The following CAPN14 variants were observed in gnomAD, a reference collection of about 807,000 sequenced individuals.
CAPN14 encodes calpain 14.
Under a neutral mutation model 101.3 loss-of-function variants are expected in CAPN14, and 94 were observed. The observed-to-expected ratio is 0.93, with a 90% CI of 0.79 to 1.10. CAPN14 has a LOEUF of 1.10. CAPN14 is among the 50% of genes least tolerant of loss of function. CAPN14 has a pLI of 0.00. For synonymous variants in CAPN14, 338 were observed against 317.9 expected (o/e 1.06, Z -0.67); for missense variants, 837 against 828.4 (o/e 1.01, Z -0.13).
exon 2 of CAPN14, chr2:31,226,642 C>T (rs950061104): frequency 2.6e-5 from 4 of 152,216 alleles, no homozygotes; most frequent in Non-Finnish European, 5.9e-5. Flanking sequence ...ATGGTGCAAT[C>T]AAGATCCTGC....
intron 12 of CAPN14, chr2:31,189,704 T>C: frequency 1.6e-6 from 1 of 640,768 alleles, no homozygotes; most frequent in Non-Finnish European, 2.9e-6. Context: ...TAAACACGTG[T>C]CATTTGATTT....
chr2:31,202,959 C>T (rs907173033), intron 3 of CAPN14, 111 bp downstream of exon 3: 138 of 858,828 alleles, frequency 1.6e-4, no homozygotes, highest in Non-Finnish European at 2.5e-4. Flanking sequence ...CCATTTTGGG[C>T]CTCTCTCCAG....
intron 15 of CAPN14, among the ~76,000 whole-genome samples, chr2:31,187,175 C>T (rs1429257794): frequency 2.6e-5 from 4 of 152,190 alleles, no homozygotes; most frequent in Non-Finnish European, 5.9e-5. Context: ...CGCCCTGTTC[C>T]TAAGTGTCTT....
rs1411738073 is a variant in CAPN14, at chr2:31,230,750, A to T, written c.-177+3041T>A. ...AGTTCTATATTCTGGATGTGCTTTC[A>T]TGGGTTTTTGTGTATAGGAAATATC... On this transcript the variant is annotated intron_variant and NMD_transcript_variant, in intron 1 of 21. Transcript: ENST00000398824. This position sits in a 1 kb window ranked among gnomAD's most constrained non-coding sequence, Gnocchi z 4.3. Among the ~76,000 whole-genome samples the T allele has an allele frequency of 6.6e-6, 1 of 152,130 alleles. No individual in the cohort carries two copies. The highest frequency in any genetic ancestry group is 1.9e-4 in the East Asian group (1 of 5,200).
intron 14 of CAPN14, 27 bp from the exon 15 acceptor site, chr2:31,187,841 A>C: frequency 6.5e-7 from 1 of 1,532,996 alleles, no homozygotes; most frequent in Non-Finnish European, 8.8e-7. Context: ...ACAGAAAGAC[A>C]CAATTATTCA....
chr2:31,204,216 T>C (rs4952060), intron 2 of CAPN14, among the ~76,000 whole-genome samples: 117,676 of 152,092 alleles, frequency 0.77, 45,831 homozygotes, highest in East Asian at 1. Flanking sequence ...AAAATCACCC[T>C]TGGTTTTTTC....
intron 2 of CAPN14, among the ~76,000 whole-genome samples, chr2:31,222,919 G>A (rs893755938): frequency 3.3e-5 from 5 of 152,152 alleles, no homozygotes; most frequent in African/African-American, 9.7e-5. Context: ...TTTATGAATC[G>A]GAGTTATGAA....
At position 31,226,816 on chromosome 2, in the gene CAPN14, A is replaced by G. The variant is rs577869261; in HGVS notation, c.-176-165T>C. Among the ~76,000 whole-genome samples, 5 of 152,252 alleles carry G rather than the reference A, an allele frequency of 3.3e-5. 1 individual carries two copies. In the South Asian group the frequency reaches 1.0e-3, roughly 32 times the overall value. The stretch of plus-strand genomic sequence containing the variant: ...TACCATTCACCTGCCCATTCCCCTC[A>G]TATCAGCTGCCTCAAGGGTTCATTT... On this transcript the variant is annotated intron_variant and NMD_transcript_variant, in intron 1 of 21. Transcript: ENST00000398824.
chr2:31,207,596 C>T (rs1307256908), intron 1 of CAPN14, among the ~76,000 whole-genome samples: 2 of 152,004 alleles, frequency 1.3e-5, no homozygotes, highest in South Asian at 2.1e-4. Context: ...GGCAAAACTT[C>T]GTCTACATAA....
Position 31,186,409 on chromosome 2 carries a change from A to G in CAPN14, c.1645+19T>C. 1.3e-6 allele frequency: 2 copies of G among 1,540,198 alleles called. No individual in the cohort carries two copies. Among genetic ancestry groups the G allele is most frequent in the East Asian group, 2.5e-5 (1 of 40,426 alleles). ...TTGCATCCCCTCTGAGTCCTACAGAATGGCTCTAAAACACTTACTTGACCA... is the reference window on the plus strand; with the variant it reads ...TTGCATCCCCTCTGAGTCCTACAGAGTGGCTCTAAAACACTTACTTGACCA... On this transcript the variant is annotated intron_variant, in intron 16 of 21. Coordinates refer to ENST00000403897, the MANE Select transcript of CAPN14 (RefSeq NM_001145122.2).
At chr2:31,183,505 C>A (rs1680751848) in intron 16 of CAPN14, among the ~76,000 whole-genome samples, 1 of 152,004 alleles carries the variant, frequency 6.6e-6, no homozygotes, top group Non-Finnish European at 1.5e-5. Flanking sequence ...AAACAAACAA[C>A]CCCATCAAAA....
intron 1 of CAPN14, among the ~76,000 whole-genome samples, chr2:31,212,099 C>T (rs867867646): frequency 2.0e-5 from 3 of 152,094 alleles, no homozygotes; most frequent in South Asian, 2.1e-4. Flanking sequence ...CACTTGAGGT[C>T]AAGAGTTCAA....
chr2:31,218,025 A>G (rs927931151), upstream of CAPN14, among the ~76,000 whole-genome samples: 4 of 152,092 alleles, frequency 2.6e-5, no homozygotes, highest in African/African-American at 7.2e-5. Flanking sequence ...TCTGTGATTC[A>G]TTTGTGCTAT....
chr2:31,191,251 A>T, intron 12 of CAPN14, 148 bp downstream of exon 12: 1 of 767,144 alleles, frequency 1.3e-6, no homozygotes, highest in Non-Finnish European at 2.1e-6. Flanking sequence ...ATATACACAC[A>T]GGCAGCGGGC....
chr2:31,189,090 A>G (rs897406442), intron 13 of CAPN14, among the ~76,000 whole-genome samples, 183 bp downstream of exon 13: 1 of 152,164 alleles, frequency 6.6e-6, no homozygotes, highest in Non-Finnish European at 1.5e-5. Flanking sequence ...TGTGAGTGGA[A>G]GGAGGGTGGG....
chr2:31,218,519 A>G (rs938569101), upstream of CAPN14, among the ~76,000 whole-genome samples: 4 of 152,166 alleles, frequency 2.6e-5, no homozygotes, highest in Non-Finnish European at 5.9e-5. Flanking sequence ...CACTCCACCC[A>G]TTTTATTAGT....
chr2:31,181,440 TTC>T (rs1226895497), intron 16 of CAPN14, among the ~76,000 whole-genome samples: 3 of 147,402 alleles, frequency 2.0e-5, no homozygotes, highest in African/African-American at 5.1e-5. Flanking sequence ...CTTTCTTTCT[TTC>T]TTTTTCTTTC....
chr2:31,179,725 A>G (rs547595514), intron 17 of CAPN14, among the ~76,000 whole-genome samples: 3 of 152,190 alleles, frequency 2.0e-5, no homozygotes, highest in East Asian at 1.9e-4. Flanking sequence ...TCCAGCATCT[A>G]TTGTTTCCTT....
chr2:31,186,501 A>G lies in CAPN14; in HGVS notation c.1588-16T>C, dbSNP rs1174498039. On this transcript the variant is annotated splice_polypyrimidine_tract_variant and intron_variant, in intron 15 of 21. Transcript: ENST00000403897. ...TCTCTGGATGCTAAATAGAAAGCAGATTGGCAAGAAAAAATAACTGTTACT... is the reference window on the plus strand; with the variant it reads ...TCTCTGGATGCTAAATAGAAAGCAGGTTGGCAAGAAAAAATAACTGTTACT... 21 of 1,543,814 alleles carry G rather than the reference A, an allele frequency of 1.4e-5. No individual in the cohort carries two copies. The highest frequency in any genetic ancestry group is 1.8e-5 in the Non-Finnish European group (21 of 1,143,096).
Sources: allele counts gnomAD v4.1 joint callset (sites outside exome capture counted in the v4.1 genomes callset), GRCh38; gene constraint gnomAD v4.1.1; non-coding constraint Gnocchi (gnomAD v3.1); transcripts MANE v1.5; gene names NCBI Gene and HGNC (gene_info 2026-07-23, HGNC 2026-07-21).